The following POLR3H variants were observed in gnomAD, a reference collection of about 807,000 sequenced individuals.
POLR3H encodes RNA polymerase III subunit H.
A neutral mutation model predicts 25.5 loss-of-function variants in POLR3H; 17 were observed. The ratio of observed to expected loss-of-function variants is 0.67; its 90% confidence interval spans 0.46 to 1.00. The LOEUF (loss-of-function observed/expected upper bound fraction) is 1.00, where lower values mean the gene tolerates loss of function less well. Among genes scored for constraint, POLR3H ranks in the 50% least tolerant of loss-of-function variants. POLR3H has a pLI of 0.00. For missense variants in POLR3H, 274 were observed against 265.0 expected (o/e 1.03, Z -0.24); for synonymous variants, 129 against 103.0 (o/e 1.25, Z -1.53).
In POLR3H at chr22:41,532,131, G is replaced by A. The variant is rs766735628; in HGVS notation, c.322C>T (p.Leu108Phe). ...HVSLGFFDDILIPPESLQQPA... is the reference protein window; with the variant it reads ...HVSLGFFDDIFIPPESLQQPA... ...TGCTGCAGTGACTCTGGGGGGATGA[G>A]AATGTCATCGAAGAAGCCTAGAGAG... Residue 108 changes from leucine to phenylalanine, a missense_variant, in exon 4 of 6, where the codon CTC becomes TTC. Physicochemically the swap from Leu to Phe is conservative, Grantham distance 22. Coordinates refer to ENST00000355209, the MANE Select transcript of POLR3H (RefSeq NM_001018050.4). The A allele has an allele frequency of 1.3e-5, 21 of 1,614,004 alleles. No homozygotes were observed. In the East Asian group the frequency reaches 4.7e-4, roughly 36 times the overall value.
chr22:41,537,713 C>T (rs891215603), intron 2 of POLR3H, among the ~76,000 whole-genome samples: 2 of 152,200 alleles, frequency 1.3e-5, no homozygotes, highest in African/African-American at 4.8e-5. Flanking sequence ...ATGCCTCCCA[C>T]CTGGTTCCCA....
At position 41,526,459 on chromosome 22, in the gene POLR3H, T is replaced by A; in HGVS notation, c.*2824A>T. 1 of 1,608,842 alleles carries A rather than the reference T, an allele frequency of 6.2e-7. No homozygotes were observed. ...ACACTGCCCGCTACTACAAGGTGGG[T>A]CAGAGTTGATAGGGGCAATGCCAGT... On this transcript the variant is annotated 3_prime_UTR_variant, in exon 6 of 6. Transcript: ENST00000355209.
chr22:41,527,235 G>T lies in POLR3H; in HGVS notation c.*2048C>A. The T allele has an allele frequency of 6.2e-7, 1 of 1,613,576 alleles. No homozygotes were observed. The highest frequency in any genetic ancestry group is 8.5e-7 in the Non-Finnish European group (1 of 1,179,790). ...AGGCCAGGCAGGTAGGGCCAGACAG[G>T]TGAGGACGGTGCCCTCCTCTGCCTT... On this transcript the variant is annotated 3_prime_UTR_variant, in exon 6 of 6. Coordinates refer to ENST00000355209, the MANE Select transcript of POLR3H (RefSeq NM_001018050.4).
Position 41,525,967 on chromosome 22 carries a change from G to A in POLR3H, c.*3316C>T, listed in dbSNP as rs2066585632. On this transcript the variant is annotated 3_prime_UTR_variant, in exon 6 of 6. Coordinates refer to ENST00000355209, the MANE Select transcript of POLR3H (RefSeq NM_001018050.4). ...CATGAGGTCTGTGGCTGATCTTGCA[G>A]CTGAGGCCTGAAGGGTGAGCGAACA... 1 of 330,148 alleles carries A rather than the reference G, an allele frequency of 3.0e-6. No individual in the cohort carries two copies. Among genetic ancestry groups the A allele is most frequent in the African/African-American group, 2.1e-5 (1 of 47,500 alleles). 20.5% of individuals were successfully genotyped at this position (330,148 alleles called of 1,614,324 possible).
At position 41,532,150 on chromosome 22, in the gene POLR3H, TAG is replaced by T. The variant is rs1212027689; in HGVS notation, c.301_302del (p.Leu101ArgfsTer5). On this transcript the variant is annotated frameshift_variant, in exon 4 of 6. Coordinates refer to ENST00000355209, the MANE Select transcript of POLR3H (RefSeq NM_001018050.4). LOFTEE classifies it high-confidence loss of function. Reference sequence around the variant, plus strand: ...GGATGAGAATGTCATCGAAGAAGCCTAGAGAGACTGGAAGGAAGGAAGCAGGT... The same window carrying T: ...GGATGAGAATGTCATCGAAGAAGCCTAGAGACTGGAAGGAAGGAAGCAGGT... The part of the protein sequence containing the change: ...GCSPEGVHVS[L>X]GFFDDILIPP... The T allele has an allele frequency of 6.2e-6, 10 of 1,613,800 alleles. No homozygotes were observed. The highest frequency in any genetic ancestry group is 8.5e-6 in the Non-Finnish European group (10 of 1,179,932).
At chr22:41,531,476 G>A (rs2066733141) in intron 4 of POLR3H, among the ~76,000 whole-genome samples, 1 of 152,236 alleles carries the variant, frequency 6.6e-6, no homozygotes, top group African/African-American at 2.4e-5. Flanking sequence ...GCCCACACAG[G>A]GGAGCCATGG....
intron 3 of POLR3H, 134 bp downstream of exon 3, chr22:41,532,525 G>A (rs1236205951): frequency 2.7e-6 from 4 of 1,509,006 alleles, no homozygotes; most frequent in South Asian, 2.5e-5. Flanking sequence ...AGGGAGGGTG[G>A]GCAAGCTTCT....
Position 41,532,646 on chromosome 22 carries a change from G to T in POLR3H, c.295+13C>A. On this transcript the variant is annotated intron_variant, in intron 3 of 5. Transcript: ENST00000355209. ...TTCCCAAGTCTTGTCTGAGGCGTCA[G>T]GGCCACTGTTACCGTGCACTCCTTC... 6.2e-7 allele frequency: 1 copy of T among 1,614,014 alleles called. No individual in the cohort carries two copies. The highest frequency in any genetic ancestry group is 8.5e-7 in the Non-Finnish European group (1 of 1,179,954).
At position 41,527,947 on chromosome 22, in the gene POLR3H, C is replaced by T. The variant is rs746140883; in HGVS notation, c.*1336G>A. 1 of 1,614,204 alleles carries T rather than the reference C, an allele frequency of 6.2e-7. No individual in the cohort carries two copies. The highest frequency in any genetic ancestry group is 8.5e-7 in the Non-Finnish European group (1 of 1,180,026). ...GCCTGCTGCCTCTGACCTTCGCTGA[C>T]CCGGCTGACTACAACAAGATTCACC... On this transcript the variant is annotated 3_prime_UTR_variant, in exon 6 of 6. Coordinates refer to ENST00000355209, the MANE Select transcript of POLR3H (RefSeq NM_001018050.4).
chr22:41,528,156 C>T lies in POLR3H; in HGVS notation c.*1127G>A. On this transcript the variant is annotated 3_prime_UTR_variant, in exon 6 of 6. Coordinates refer to ENST00000355209, the MANE Select transcript of POLR3H (RefSeq NM_001018050.4). ...GAAAGGCCCCCAGTTCTCCAGGTGGCCCCACAGAGAAAGCAAAGTGGCTTC... is the reference window on the plus strand; with the variant it reads ...GAAAGGCCCCCAGTTCTCCAGGTGGTCCCACAGAGAAAGCAAAGTGGCTTC... The T allele has an allele frequency of 7.2e-7, 1 of 1,381,768 alleles. No individual in the cohort carries two copies. The allele number at this position is 1,381,768 out of a possible 1,614,324, so 85.6% of individuals were successfully genotyped here.
chr22:41,526,247 T>C lies in POLR3H; in HGVS notation c.*3036A>G. 1 of 1,609,404 alleles carries C rather than the reference T, an allele frequency of 6.2e-7. No homozygotes were observed. The highest frequency in any genetic ancestry group is 8.5e-7 in the Non-Finnish European group (1 of 1,177,992). On this transcript the variant is annotated 3_prime_UTR_variant, in exon 6 of 6. Transcript: ENST00000355209. ...GCCATGCCCTGACCTCTGTCCTCTC[T>C]ACTTACCACCCAAGGTCAAAGGGAA...
intron 5 of POLR3H, 111 bp downstream of exon 5, chr22:41,530,575 TC>T: frequency 2.0e-6 from 2 of 1,008,184 alleles, no homozygotes; most frequent in Non-Finnish European, 2.9e-6. Flanking sequence ...CCAAACAGGA[TC>T]CCTGACCTGC....
At position 41,528,444 on chromosome 22, in the gene POLR3H, C is replaced by T. The variant is rs1352229831; in HGVS notation, c.*839G>A. 5.0e-6 allele frequency: 8 copies of T among 1,607,960 alleles called. No individual in the cohort carries two copies. The African/African-American group carries it at 8.0e-5, about 16-fold the overall frequency. On this transcript the variant is annotated 3_prime_UTR_variant, in exon 6 of 6. Transcript: ENST00000355209. ...TGCGGGGCCAAGGGCACACAGTACC[C>T]ACCACTTCCACCCACACCCACCTTC...
At chr22:41,532,248 C>G in intron 3 of POLR3H, 91 bp from the exon 4 acceptor site, 2 of 1,276,336 alleles carry the variant, frequency 1.6e-6, no homozygotes. Context: ...GCAAGCCCTG[C>G]CTGGGGCTGC....
rs1357371076 is a variant in POLR3H, at chr22:41,527,926, G to C, written c.*1357C>G. 1.2e-6 allele frequency: 2 copies of C among 1,614,084 alleles called. No individual in the cohort carries two copies. The highest frequency in any genetic ancestry group is 1.7e-6 in the Non-Finnish European group (2 of 1,180,040). ...AGACCAACCTGAAGAAACAGGGCCT[G>C]CTGCCTCTGACCTTCGCTGACCCGG... On this transcript the variant is annotated 3_prime_UTR_variant, in exon 6 of 6. Coordinates refer to ENST00000355209, the MANE Select transcript of POLR3H (RefSeq NM_001018050.4).
chr22:41,543,578 G>A (rs1207300622), intron 1 of POLR3H, among the ~76,000 whole-genome samples: 1 of 151,966 alleles, frequency 6.6e-6, no homozygotes, highest in Non-Finnish European at 1.5e-5. Flanking sequence ...CCGAGATCGC[G>A]CCACTGCACT....
intron 1 of POLR3H, 22 bp from the exon 2 acceptor site, chr22:41,540,817 C>T (rs962044846): frequency 9.6e-6 from 15 of 1,568,086 alleles, no homozygotes; most frequent in Non-Finnish European, 1.3e-5. Flanking sequence ...CAAACACAGA[C>T]ACACAAGTAC....
chr22:41,538,239 T>C (rs367715396), intron 2 of POLR3H, among the ~76,000 whole-genome samples: 1 of 151,720 alleles, frequency 6.6e-6, no homozygotes, highest in African/African-American at 2.4e-5. Flanking sequence ...GTTCACTCCA[T>C]TCTCCTGCCT....
rs774582133 is a variant in POLR3H, at chr22:41,528,445, A to ACCACTT, written c.*832_*837dup. The stretch of plus-strand genomic sequence containing the variant: ...GCGGGGCCAAGGGCACACAGTACCC[A>ACCACTT]CCACTTCCACCCACACCCACCTTCT... On this transcript the variant is annotated 3_prime_UTR_variant, in exon 6 of 6. Transcript: ENST00000355209. 221 of 1,608,300 alleles carry ACCACTT rather than the reference A, an allele frequency of 1.4e-4. 1 individual carries two copies. Among genetic ancestry groups the ACCACTT allele is most frequent in the Admixed American group, 2.2e-4 (13 of 59,780 alleles).
Sources: gnomAD v4.1 joint callset for allele counts (sites outside exome capture counted in the v4.1 genomes callset) on GRCh38, gnomAD v4.1.1 for gene constraint, MANE v1.5 for transcripts, NCBI Gene and HGNC (gene_info 2026-07-23, HGNC 2026-07-21) for gene names.